Variants in AHI1 observed in about 807,000 individuals in gnomAD.
AHI1 encodes jouberin.
In AHI1, 123 loss-of-function variants were observed where a neutral mutation model predicts 149.3. The ratio of observed to expected loss-of-function variants is 0.82; its 90% CI spans 0.71 to 0.96. AHI1 has a LOEUF of 0.96. Among genes scored for constraint, AHI1 ranks in the 40% least tolerant of loss-of-function variants. The pLI is 0.00. For missense variants in AHI1, 1,439 were observed against 1,422.7 expected (o/e 1.01, Z -0.18); for synonymous variants, 475 against 459.8 (o/e 1.03, Z -0.42).
chr6:135,336,901 C>T (rs1200382367), intron 24 of AHI1, among the ~76,000 whole-genome samples: 1 of 152,120 alleles, frequency 6.6e-6, no homozygotes, highest in Non-Finnish European at 1.5e-5. Flanking sequence ...TGTGTGTGCA[C>T]ATATACACAC....
chr6:135,378,189 T>A (rs1318451270), intron 23 of AHI1, among the ~76,000 whole-genome samples: 1 of 152,186 alleles, frequency 6.6e-6, no homozygotes, highest in African/African-American at 2.4e-5. Flanking sequence ...GGACTAGTTA[T>A]TTGCAACTCA....
chr6:135,411,053 C>T (rs1233977248), intron 21 of AHI1, among the ~76,000 whole-genome samples: 1 of 152,138 alleles, frequency 6.6e-6, no homozygotes, highest in Non-Finnish European at 1.5e-5. Flanking sequence ...TGGAGTCATA[C>T]CTGTATGCTA....
At chr6:135,472,922 C>A (rs1176642444) in intron 5 of AHI1, among the ~76,000 whole-genome samples, 4 of 152,136 alleles carry the variant, frequency 2.6e-5, no homozygotes, top group South Asian at 2.1e-4. Flanking sequence ...AATATTTTAT[C>A]TAAACCTATA....
intron 24 of AHI1, among the ~76,000 whole-genome samples, chr6:135,334,681 C>T (rs1789104059): frequency 6.6e-6 from 1 of 152,112 alleles, no homozygotes; most frequent in South Asian, 2.1e-4. Context: ...ATTCTGCAGA[C>T]CTTTATACAT....
At chr6:135,371,371 T>C (rs1582876497) in intron 23 of AHI1, among the ~76,000 whole-genome samples, 1 of 152,190 alleles carries the variant, frequency 6.6e-6, no homozygotes, top group Non-Finnish European at 1.5e-5. Flanking sequence ...ATATGTCAGG[T>C]GCTCATGTGA....
At chr6:135,436,774 G>GT (rs1785462529) in intron 15 of AHI1, among the ~76,000 whole-genome samples, 1 of 152,022 alleles carries the variant, frequency 6.6e-6, no homozygotes, top group Admixed American at 6.6e-5. Flanking sequence ...GCTTATTTTT[G>GT]TATTTTTAAT....
intron 5 of AHI1, among the ~76,000 whole-genome samples, chr6:135,479,706 A>ATGAT (rs1793295104): frequency 6.6e-6 from 1 of 152,156 alleles, no homozygotes; most frequent in Non-Finnish European, 1.5e-5. Flanking sequence ...TTGAGAAAGC[A>ATGAT]TGATTGTGTT....
Position 135,416,403 on chromosome 6 carries a change from C to T in AHI1, c.2765-4859G>A, listed in dbSNP as rs116698225. On this transcript the variant is annotated intron_variant, in intron 20 of 28. Coordinates refer to ENST00000265602, the MANE Select transcript of AHI1 (RefSeq NM_001134831.2). The stretch of plus-strand genomic sequence containing the variant: ...TGCCTGTTTAACTGACCCATTGTAC[C>T]TCAAGACATTATTTCCTGAGGAATG... Among the ~76,000 whole-genome samples, 974 of 151,592 alleles carry T rather than the reference C, an allele frequency of 6.4e-3. 16 individuals are homozygous for T. Among genetic ancestry groups the T allele is most frequent in the African/African-American group, 0.022 (929 of 41,324 alleles).
intron 26 of AHI1, among the ~76,000 whole-genome samples, chr6:135,305,503 T>C (rs1192312438): frequency 6.6e-6 from 1 of 152,248 alleles, no homozygotes; most frequent in Admixed American, 6.5e-5. Flanking sequence ...ATTGAAGTCC[T>C]TCCTACATTC....
chr6:135,358,989 A>T (rs1244913084), intron 23 of AHI1, among the ~76,000 whole-genome samples: 1 of 152,210 alleles, frequency 6.6e-6, no homozygotes, highest in Non-Finnish European at 1.5e-5. Flanking sequence ...AAACAATGCT[A>T]AAGGCTGTCA....
chr6:135,324,154 C>T (rs567335632), intron 24 of AHI1, among the ~76,000 whole-genome samples: 1 of 152,080 alleles, frequency 6.6e-6, no homozygotes, highest in South Asian at 2.1e-4. Flanking sequence ...ACCTCCATCT[C>T]TATATAAAAA....
At chr6:135,434,762 A>C (rs553934465) in intron 15 of AHI1, among the ~76,000 whole-genome samples, 11 of 152,226 alleles carry the variant, frequency 7.2e-5, no homozygotes, top group African/African-American at 2.6e-4. Context: ...TAAAGACTGA[A>C]TGAACACACA....
At chr6:135,381,378 T>C (rs1015541479) in intron 23 of AHI1, among the ~76,000 whole-genome samples, 5 of 152,138 alleles carry the variant, frequency 3.3e-5, no homozygotes, top group African/African-American at 7.2e-5. Context: ...AACACCCATA[T>C]AGACATTAAT....
At chr6:135,296,186 A>G (rs1252798179) in intron 27 of AHI1, among the ~76,000 whole-genome samples, 2 of 152,188 alleles carry the variant, frequency 1.3e-5, no homozygotes, top group African/African-American at 2.4e-5. Context: ...GTATCTCTTT[A>G]TAAGTTAGAA....
intron 24 of AHI1, among the ~76,000 whole-genome samples, chr6:135,326,889 C>G (rs186586146): frequency 4.6e-5 from 7 of 152,192 alleles, no homozygotes; most frequent in African/African-American, 1.4e-4. Flanking sequence ...TTCTTCATCC[C>G]TCTCCCACCC....
chr6:135,387,977 G>A, intron 23 of AHI1: 1 of 1,613,632 alleles, frequency 6.2e-7, no homozygotes, highest in South Asian at 1.1e-5. Flanking sequence ...GGCTGACCCT[G>A]AGTCTAGTGC....
chr6:135,484,358 T>A (rs1034343574), intron 5 of AHI1, among the ~76,000 whole-genome samples: 1 of 152,184 alleles, frequency 6.6e-6, no homozygotes, highest in Admixed American at 6.5e-5. Context: ...GCTACCTTAC[T>A]ACTAATAAAC....
At chr6:135,333,103 C>A (rs1788842699) in intron 24 of AHI1, among the ~76,000 whole-genome samples, 1 of 152,122 alleles carries the variant, frequency 6.6e-6, no homozygotes, top group South Asian at 2.1e-4. Flanking sequence ...AGCACTCAGC[C>A]AAAGACTTCA....
At chr6:135,401,578 CCAGT>C (rs1780029768) in intron 22 of AHI1, among the ~76,000 whole-genome samples, 1 of 151,428 alleles carries the variant, frequency 6.6e-6, no homozygotes, top group Non-Finnish European at 1.5e-5. Flanking sequence ...GGTGCCAACA[CCAGT>C]CAAAGGGCAA....
Sources: allele counts gnomAD v4.1 joint callset (sites outside exome capture counted in the v4.1 genomes callset), GRCh38; gene constraint gnomAD v4.1.1; transcripts MANE v1.5; gene names NCBI Gene and HGNC (gene_info 2026-07-23, HGNC 2026-07-21).